Variants in ATXN1 observed in about 807,000 individuals in gnomAD.
ATXN1 encodes the protein ataxin-1.
Under a neutral mutation model 56.4 loss-of-function variants are expected in ATXN1, and 8 were observed. The observed-to-expected ratio is 0.14, with a 90% CI of 0.08 to 0.26. The LOEUF (loss-of-function observed/expected upper bound fraction) is 0.26. ATXN1 is among the 10% of genes least tolerant of loss of function. ATXN1 has a pLI of 1.00. For synonymous variants in ATXN1, 514 were observed against 494.6 expected (o/e 1.04, Z -0.52); for missense variants, 987 against 1,106.5 (o/e 0.89, Z 1.53).
chr6:16,694,798 T>C (rs1463951189), intron 2 of ATXN1, among the ~76,000 whole-genome samples: 1 of 152,212 alleles, frequency 6.6e-6, no homozygotes, highest in Non-Finnish European at 1.5e-5. Flanking sequence ...GTTTCACTGC[T>C]AAATCAATCA....
chr6:16,396,275 T>C (rs1700914406), intron 6 of ATXN1, among the ~76,000 whole-genome samples: 2 of 152,096 alleles, frequency 1.3e-5, no homozygotes, highest in Admixed American at 1.3e-4. Flanking sequence ...AAAAAAACTT[T>C]TTTTAATAAG....
intron 6 of ATXN1, among the ~76,000 whole-genome samples, chr6:16,411,694 G>A (rs1758803647): frequency 6.6e-6 from 1 of 152,188 alleles, no homozygotes; most frequent in South Asian, 2.1e-4. Flanking sequence ...GCTGGCCTGG[G>A]GGAGAAATGA....
At chr6:16,610,299 CAAG>C (rs1327565197) in intron 3 of ATXN1, among the ~76,000 whole-genome samples, 5 of 151,258 alleles carry the variant, frequency 3.3e-5, no homozygotes, top group Non-Finnish European at 7.4e-5. Context: ...TCACTCTATA[CAAG>C]AAGAAAAAAA....
chr6:16,614,275 C>T (rs1349894210), intron 3 of ATXN1, among the ~76,000 whole-genome samples: 1 of 151,146 alleles, frequency 6.6e-6, no homozygotes, highest in Non-Finnish European at 1.5e-5. Flanking sequence ...TGGAAATCCC[C>T]GCTTGATGGT....
chr6:16,682,724 A>T (rs1561806718), intron 2 of ATXN1, among the ~76,000 whole-genome samples: 1 of 152,208 alleles, frequency 6.6e-6, no homozygotes, highest in Admixed American at 6.5e-5. Flanking sequence ...ACCTCCCAGC[A>T]GGAAAACAAG....
chr6:16,519,381 A>G (rs761062922), intron 5 of ATXN1, among the ~76,000 whole-genome samples: 1 of 152,238 alleles, frequency 6.6e-6, no homozygotes, highest in Admixed American at 6.5e-5. Context: ...ATAGATGAGG[A>G]AACATTAGAG....
chr6:16,734,861 T>C (rs1029812140), intron 2 of ATXN1, among the ~76,000 whole-genome samples: 4 of 152,144 alleles, frequency 2.6e-5, no homozygotes, highest in Admixed American at 2.0e-4. Context: ...TGTGACAAGA[T>C]TGGGGAGGTC....
intron 2 of ATXN1, among the ~76,000 whole-genome samples, chr6:16,718,434 C>T (rs1759681054): frequency 6.6e-6 from 1 of 152,238 alleles, no homozygotes; most frequent in Admixed American, 6.5e-5. Flanking sequence ...TTCCTGTTAA[C>T]TGTGACATAA....
Position 16,673,017 on chromosome 6 carries a change from C to A in ATXN1, c.-614-15116G>T, listed in dbSNP as rs146975403. 4.9e-4 allele frequency among the ~76,000 whole-genome samples: 37 copies of A among 76,222 alleles called. No homozygotes were observed. The East Asian group carries it at 0.012, about 24-fold the overall frequency. 50.0% of individuals were successfully genotyped at this position (76,222 alleles called of 152,430 possible). On this transcript the variant is annotated intron_variant, in intron 2 of 7. Transcript: ENST00000436367. ...GACAGAATGAGACTCCGTTCCCCCC[C>A]GCCAAAAAAAAAAAAAAAAGAAAAG...
chr6:16,537,361 T>G (rs1761620862), intron 4 of ATXN1, among the ~76,000 whole-genome samples: 2 of 152,086 alleles, frequency 1.3e-5, no homozygotes. Context: ...GAGAGCCAAC[T>G]CTGCTCACCC....
intron 2 of ATXN1, among the ~76,000 whole-genome samples, chr6:16,687,719 T>C (rs1400945479): frequency 6.8e-6 from 1 of 147,228 alleles, no homozygotes; most frequent in Non-Finnish European, 1.5e-5. Flanking sequence ...CCGTGAAGAA[T>C]GAAGACACAA....
chr6:16,678,977 G>A (rs868501010), intron 2 of ATXN1, among the ~76,000 whole-genome samples: 24 of 151,742 alleles, frequency 1.6e-4, no homozygotes, highest in African/African-American at 5.8e-4. Context: ...CAGAGGTTGC[G>A]GTAAGCCGAG....
At chr6:16,469,571 T>C (rs1254197032) in intron 6 of ATXN1, among the ~76,000 whole-genome samples, 1 of 152,162 alleles carries the variant, frequency 6.6e-6, no homozygotes, top group Non-Finnish European at 1.5e-5. Context: ...ATAACACTAC[T>C]AGGCAGAAAG....
At chr6:16,511,331 T>C (rs1310218625) in intron 5 of ATXN1, among the ~76,000 whole-genome samples, 1 of 152,166 alleles carries the variant, frequency 6.6e-6, no homozygotes, top group African/African-American at 2.4e-5. Context: ...ACACCATGCA[T>C]GGGAATTAAT....
intron 3 of ATXN1, among the ~76,000 whole-genome samples, chr6:16,649,941 T>C (rs2113829276): frequency 6.7e-6 from 1 of 148,818 alleles, no homozygotes; most frequent in African/African-American, 2.4e-5. Context: ...AAGAGGATAA[T>C]TTCTGTTTTG....
chr6:16,417,213 T>A (rs1000956430), intron 6 of ATXN1, among the ~76,000 whole-genome samples: 1 of 152,160 alleles, frequency 6.6e-6, no homozygotes, highest in African/African-American at 2.4e-5. Flanking sequence ...AAAAAAATTT[T>A]CTTTTGAGAC....
intron 6 of ATXN1, among the ~76,000 whole-genome samples, chr6:16,434,093 A>C (rs550580970): frequency 2.0e-4 from 30 of 152,314 alleles, no homozygotes; most frequent in African/African-American, 6.7e-4. Context: ...TGGCATTTAT[A>C]ATATTTGTGG....
At chr6:16,603,943 A>G (rs115913944) in intron 3 of ATXN1, among the ~76,000 whole-genome samples, 264 of 152,216 alleles carry the variant, frequency 1.7e-3, no homozygotes, top group African/African-American at 6.1e-3. Context: ...ACCGAGTCCT[A>G]TGAGTTCCTG....
intron 3 of ATXN1, among the ~76,000 whole-genome samples, chr6:16,595,461 C>T (rs1402429985): frequency 1.3e-5 from 2 of 152,202 alleles, no homozygotes; most frequent in Admixed American, 6.5e-5. Context: ...AACGATAAAA[C>T]GGACAGAATG....
Sources: allele counts gnomAD v4.1 joint callset (sites outside exome capture counted in the v4.1 genomes callset), GRCh38; gene constraint gnomAD v4.1.1; transcripts MANE v1.5; gene names NCBI Gene and HGNC (gene_info 2026-07-23, HGNC 2026-07-21).